Variants in SUCLG2 observed in about 807,000 individuals in gnomAD.
The protein encoded by SUCLG2 is succinate--CoA ligase [GDP-forming] subunit beta, mitochondrial.
Under a neutral mutation model 47.9 loss-of-function variants are expected in SUCLG2, and 42 were observed. That is an observed-to-expected ratio of 0.88 (90% confidence interval 0.69 to 1.14). The LOEUF (loss-of-function observed/expected upper bound fraction) is 1.14. Among genes scored for constraint, SUCLG2 ranks in the 50% most tolerant of loss-of-function variants. The pLI is 0.00. For synonymous variants in SUCLG2, 195 were observed against 197.3 expected, an observed-to-expected ratio of 0.99 and a Z score of 0.10; for missense variants, 571 against 525.9, an observed-to-expected ratio of 1.09 and a Z score of -0.84.
At chr3:67,642,183 T>C (rs1701113164) in intron 1 of SUCLG2, among the ~76,000 whole-genome samples, 1 of 152,174 alleles carries the variant, frequency 6.6e-6, no homozygotes, top group South Asian at 2.1e-4. Context: ...GGGGACACAA[T>C]TCCACCCATT....
intron 2 of SUCLG2, among the ~76,000 whole-genome samples, chr3:67,562,608 C>T (rs1707336585): frequency 6.6e-6 from 1 of 152,162 alleles, no homozygotes; most frequent in African/African-American, 2.4e-5. Flanking sequence ...GCAAAACATT[C>T]CCCCAATTTT....
At chr3:67,595,328 G>A (rs1236311317) in intron 2 of SUCLG2, among the ~76,000 whole-genome samples, 2 of 152,136 alleles carry the variant, frequency 1.3e-5, no homozygotes, top group African/African-American at 4.8e-5. Flanking sequence ...CAGCTAAAGG[G>A]GGCTGCTTGC....
intron 1 of SUCLG2, among the ~76,000 whole-genome samples, chr3:67,619,701 G>C (rs529437690): frequency 2.0e-4 from 31 of 152,172 alleles, no homozygotes; most frequent in Non-Finnish European, 4.0e-4. Context: ...TATATTTTAA[G>C]GAGCAAAGAA....
intron 9 of SUCLG2, among the ~76,000 whole-genome samples, chr3:67,460,654 C>T (rs1255986260): frequency 1.3e-5 from 2 of 152,146 alleles, no homozygotes; most frequent in Non-Finnish European, 2.9e-5. Context: ...CTTTAATTCA[C>T]TGTAATATTG....
At chr3:67,477,009 T>C (rs369295326) in intron 9 of SUCLG2, among the ~76,000 whole-genome samples, 89 of 152,300 alleles carry the variant, frequency 5.8e-4, no homozygotes, top group African/African-American at 1.9e-3. Flanking sequence ...ATAACCGTTA[T>C]CTATTACCCC....
At chr3:67,618,077 T>C (rs1278916666) in intron 1 of SUCLG2, among the ~76,000 whole-genome samples, 2 of 152,106 alleles carry the variant, frequency 1.3e-5, no homozygotes, top group Non-Finnish European at 2.9e-5. Flanking sequence ...AGAACAGTAA[T>C]TTGCAAAAGG....
chr3:67,539,245 T>G (rs1239843461), intron 2 of SUCLG2, among the ~76,000 whole-genome samples: 3 of 152,180 alleles, frequency 2.0e-5, no homozygotes, highest in Non-Finnish European at 4.4e-5. Flanking sequence ...CAATACCTAG[T>G]TTATTGAGAG....
chr3:67,365,295 A>G (rs1701859773), intron 10 of SUCLG2, among the ~76,000 whole-genome samples: 1 of 152,230 alleles, frequency 6.6e-6, no homozygotes, highest in East Asian at 1.9e-4. Context: ...TTTAGAATCA[A>G]GAAGCTGAAC....
In SUCLG2 at chr3:67,459,918, A is replaced by G. The variant is rs571630995; in HGVS notation, c.1062+35880T>C. The stretch of plus-strand genomic sequence containing the variant: ...CCATTGTAAAGTCATTCCAAGCAAC[A>G]GTGAGGAGCAGGGAAAAGGGCTCCC... On this transcript the variant is annotated intron_variant, in intron 9 of 10. Transcript: ENST00000307227. Among the ~76,000 whole-genome samples, 10 of 152,260 alleles carry G rather than the reference A, an allele frequency of 6.6e-5. No individual in the cohort carries two copies. The East Asian group carries it at 9.7e-4, about 15-fold the overall frequency.
intron 4 of SUCLG2, among the ~76,000 whole-genome samples, chr3:67,527,171 A>C (rs1021048073): frequency 1.3e-5 from 2 of 152,224 alleles, no homozygotes; most frequent in Admixed American, 6.5e-5. Flanking sequence ...TCTCCCTGAA[A>C]AGTAAAAACA....
chr3:67,375,944 T>C (rs1475948419), intron 10 of SUCLG2, 85 bp from the exon 11 acceptor site: 2 of 1,504,758 alleles, frequency 1.3e-6, no homozygotes, highest in Non-Finnish European at 1.8e-6. Flanking sequence ...AAGACTCACC[T>C]GTCTACAGCT....
chr3:67,617,553 C>T (rs938063695), intron 1 of SUCLG2, among the ~76,000 whole-genome samples: 1 of 152,164 alleles, frequency 6.6e-6, no homozygotes, highest in African/African-American at 2.4e-5. Context: ...TTTAGCACTG[C>T]AATACTCTTC....
At chr3:67,376,165 C>A in intron 10 of SUCLG2, 1 of 917,616 alleles carries the variant, frequency 1.1e-6, no homozygotes, top group South Asian at 5.2e-5. Flanking sequence ...TTGGCCCACA[C>A]CAGAAGTCAC....
At chr3:67,547,180 C>T (rs1559566603) in intron 2 of SUCLG2, among the ~76,000 whole-genome samples, 1 of 152,094 alleles carries the variant, frequency 6.6e-6, no homozygotes, top group Admixed American at 6.5e-5. Context: ...GTTCCCTCAT[C>T]CCTTCTACCA....
chr3:67,409,200 G>A (rs1702881388), intron 9 of SUCLG2, among the ~76,000 whole-genome samples: 1 of 152,084 alleles, frequency 6.6e-6, no homozygotes, highest in South Asian at 2.1e-4. Flanking sequence ...GGTCATGAAG[G>A]TACAAGAGTG....
intron 2 of SUCLG2, among the ~76,000 whole-genome samples, chr3:67,589,271 G>A (rs1708098076): frequency 6.6e-6 from 1 of 152,112 alleles, no homozygotes; most frequent in Non-Finnish European, 1.5e-5. Flanking sequence ...ATTATTCATA[G>A]CATTGCTAAC....
rs1429724915 is a variant in SUCLG2, at chr3:67,542,294, ACCACCAGG to A, written c.227-13116_227-13109del. Among the ~76,000 whole-genome samples, 30 of 152,342 alleles carry A rather than the reference ACCACCAGG, an allele frequency of 2.0e-4. 1 individual carries two copies. Among genetic ancestry groups the A allele is most frequent in the Admixed American group, 1.8e-3 (27 of 15,298 alleles). On this transcript the variant is annotated intron_variant, in intron 2 of 10. Coordinates refer to ENST00000307227, the MANE Select transcript of SUCLG2 (RefSeq NM_003848.4). ...GAAGTAAATGCTGAGAGATTTTGTTACCACCAGGCCTGCCTTACAAGAGCTCCTGAAGG... is the reference window on the plus strand; with the variant it reads ...GAAGTAAATGCTGAGAGATTTTGTTACCTGCCTTACAAGAGCTCCTGAAGG...
At chr3:67,399,153 C>T (rs1702625348) in intron 10 of SUCLG2, among the ~76,000 whole-genome samples, 1 of 150,308 alleles carries the variant, frequency 6.7e-6, no homozygotes, top group East Asian at 2.0e-4. Flanking sequence ...CACATGTACC[C>T]TAAAACTTAA....
intron 9 of SUCLG2, among the ~76,000 whole-genome samples, chr3:67,405,288 T>G (rs1265448249): frequency 2.6e-5 from 4 of 152,202 alleles, no homozygotes; most frequent in African/African-American, 9.6e-5. Flanking sequence ...CAAAACACAC[T>G]CTAGCTGCAG....
Sources: allele counts gnomAD v4.1 joint callset (sites outside exome capture counted in the v4.1 genomes callset), GRCh38; gene constraint gnomAD v4.1.1; transcripts MANE v1.5; gene names NCBI Gene and HGNC (gene_info 2026-07-23, HGNC 2026-07-21).